PRELID2: variants seen among roughly 807,000 people sequenced by gnomAD.
The protein encoded by PRELID2 is PRELI domain-containing protein 2.
A neutral mutation model predicts 28.4 loss-of-function variants in PRELID2; 25 were observed. The observed-to-expected ratio is 0.88, with a 90% CI of 0.64 to 1.23. The LOEUF is 1.23. PRELID2 is among the 50% of genes most tolerant of loss of function. PRELID2 has a pLI of 0.00. For synonymous variants in PRELID2, 76 were observed against 71.6 expected (o/e 1.06, Z -0.31); for missense variants, 201 against 214.4 (o/e 0.94, Z 0.39).
At chr5:145,615,471 T>A (rs111899737) in intron 1 of PRELID2, among the ~76,000 whole-genome samples, 1 of 141,330 alleles carries the variant, frequency 7.1e-6, no homozygotes, top group East Asian at 2.1e-4. Context: ...GGACTACAGG[T>A]GCCCGCCACC....
the PRELID2 span, among the ~76,000 whole-genome samples, chr5:145,262,963 C>T: frequency 6.6e-6 from 1 of 152,056 alleles, no homozygotes; most frequent in Admixed American, 6.6e-5. Flanking sequence ...CATATAGGGA[C>T]TCTCATAAAC....
At chr5:145,651,485 A>G (rs1754296963) in intron 1 of PRELID2, among the ~76,000 whole-genome samples, 1 of 152,176 alleles carries the variant, frequency 6.6e-6, no homozygotes, top group South Asian at 2.1e-4. Context: ...ATCCCTGAGT[A>G]GCATAACTGG....
intron 1 of PRELID2, among the ~76,000 whole-genome samples, chr5:145,677,903 A>T (rs1487081833): frequency 6.6e-6 from 1 of 152,184 alleles, no homozygotes; most frequent in Non-Finnish European, 1.5e-5. Context: ...TGCATTTTAC[A>T]GAAAAGGAGA....
intron 1 of PRELID2, among the ~76,000 whole-genome samples, chr5:145,651,645 G>C (rs1434058799): frequency 6.6e-6 from 1 of 152,182 alleles, no homozygotes; most frequent in Non-Finnish European, 1.5e-5. Context: ...CAGGCAAACA[G>C]GGTCTGGAGT....
At chr5:145,525,986 G>T (rs1752602773) in intron 1 of PRELID2, among the ~76,000 whole-genome samples, 1 of 152,118 alleles carries the variant, frequency 6.6e-6, no homozygotes, top group Non-Finnish European at 1.5e-5. Flanking sequence ...CTGTGCAAGG[G>T]GCTGGGAGTC....
In PRELID2 at chr5:145,474,928, G is replaced by A. The variant is rs928322157; in HGVS notation, n.71-1613C>T. ...GGGCAGGATTTAGTGTATAAAAGGAGATATCACCATGCATATTAAATGAAC... is the reference window on the plus strand; with the variant it reads ...GGGCAGGATTTAGTGTATAAAAGGAAATATCACCATGCATATTAAATGAAC... On this transcript the variant is annotated intron_variant and non_coding_transcript_variant, in intron 1 of 2. Coordinates refer to the PRELID2 transcript ENST00000510259. Among the ~76,000 whole-genome samples the A allele has an allele frequency of 8.6e-5, 13 of 151,918 alleles. No homozygotes were observed. The East Asian group carries it at 2.1e-3, about 25-fold the overall frequency.
intron 1 of PRELID2, among the ~76,000 whole-genome samples, chr5:145,702,190 G>A (rs1390689430): frequency 6.6e-6 from 1 of 151,962 alleles, no homozygotes; most frequent in East Asian, 1.9e-4. Context: ...CTTATAAAAA[G>A]GATATTTTCA....
the PRELID2 span, among the ~76,000 whole-genome samples, chr5:145,349,025 A>G: frequency 6.6e-6 from 1 of 152,150 alleles, no homozygotes; most frequent in Admixed American, 6.6e-5. Flanking sequence ...CTGGGTGCAC[A>G]TAATTACCAA....
chr5:145,418,984 G>C, the PRELID2 span, among the ~76,000 whole-genome samples: 1 of 149,996 alleles, frequency 6.7e-6, no homozygotes, highest in East Asian at 2.0e-4. Flanking sequence ...GTGGTGTTTG[G>C]TTTTTTGTTC....
At chr5:145,378,272 G>C in the PRELID2 span, among the ~76,000 whole-genome samples, 1 of 152,028 alleles carries the variant, frequency 6.6e-6, no homozygotes, top group African/African-American at 2.4e-5. Flanking sequence ...TCTTGCGGAG[G>C]ATCTTTTTTG....
intron 1 of PRELID2, among the ~76,000 whole-genome samples, chr5:145,736,866 G>A (rs1340107796): frequency 6.6e-6 from 1 of 152,128 alleles, no homozygotes; most frequent in East Asian, 1.9e-4. Context: ...TCAAATAAGT[G>A]CAAGATAAAA....
chr5:145,386,666 T>C, the PRELID2 span, among the ~76,000 whole-genome samples: 1 of 152,208 alleles, frequency 6.6e-6, no homozygotes, highest in South Asian at 2.1e-4. Context: ...CTTATTATTT[T>C]CTGTCTTTTG....
At chr5:145,767,784 C>CA (rs1757856649) in intron 5 of PRELID2, among the ~76,000 whole-genome samples, 1 of 152,214 alleles carries the variant, frequency 6.6e-6, no homozygotes, top group African/African-American at 2.4e-5. Context: ...TTCTGAAACA[C>CA]AACCAGTTCA....
intron 5 of PRELID2, among the ~76,000 whole-genome samples, chr5:145,774,182 T>C (rs372643147): frequency 6.6e-6 from 1 of 152,318 alleles, no homozygotes; most frequent in South Asian, 2.1e-4. Context: ...ACCCTCTCAA[T>C]AGTCCCGTGA....
chr5:145,786,714 A>G (rs749831309), intron 5 of PRELID2, among the ~76,000 whole-genome samples: 16 of 152,230 alleles, frequency 1.1e-4, no homozygotes, highest in Non-Finnish European at 2.1e-4. Context: ...AATAACTAAT[A>G]CAGTTACTTT....
intron 1 of PRELID2, among the ~76,000 whole-genome samples, chr5:145,503,578 A>T (rs1451311096): frequency 6.6e-6 from 1 of 152,166 alleles, no homozygotes; most frequent in Non-Finnish European, 1.5e-5. Flanking sequence ...GAGAAAACTA[A>T]GGTATAGAGA....
the PRELID2 span, among the ~76,000 whole-genome samples, chr5:145,262,059 G>C: frequency 6.6e-6 from 1 of 152,158 alleles, no homozygotes; most frequent in African/African-American, 2.4e-5. Context: ...GCACTGGAAA[G>C]TCTCAGCAAT....
rs1372685946 is a variant in PRELID2, at chr5:145,702,569, C to A, written n.70+62362G>T. Among the ~76,000 whole-genome samples the A allele has an allele frequency of 2.6e-5, 4 of 152,294 alleles. No homozygotes were observed. The East Asian group carries it at 7.7e-4, about 29-fold the overall frequency. On this transcript the variant is annotated intron_variant and non_coding_transcript_variant, in intron 1 of 2. Transcript: ENST00000510259. ...AAAACTCTGACAGCTAGCTTAAAAT[C>A]TCACACAAGAAGGCAAGAGGTAAAG...
chr5:145,519,822 A>T (rs1489112748), intron 1 of PRELID2, among the ~76,000 whole-genome samples: 1 of 152,246 alleles, frequency 6.6e-6, no homozygotes, highest in Admixed American at 6.5e-5. Flanking sequence ...TTACAAAAAA[A>T]TTAAATAAAA....
Sources: gnomAD v4.1 joint callset for allele counts (sites outside exome capture counted in the v4.1 genomes callset) on GRCh38, gnomAD v4.1.1 for gene constraint, MANE v1.5 for transcripts, NCBI Gene and HGNC (gene_info 2026-07-23, HGNC 2026-07-21) for gene names.